SPATA17: variants seen among roughly 807,000 people sequenced by gnomAD.
SPATA17 encodes the protein spermatogenesis associated 17.
SPATA17 carries 53 observed loss-of-function variants against 62.2 expected under a neutral mutation model. The ratio of observed to expected loss-of-function variants is 0.85; its 90% confidence interval spans 0.68 to 1.07. SPATA17 has a LOEUF of 1.07. Among genes scored for constraint, SPATA17 ranks in the 50% least tolerant of loss-of-function variants. The pLI is 0.00. For missense variants in SPATA17, 466 were observed against 425.5 expected, an observed-to-expected ratio of 1.10 and a Z score of -0.84; for synonymous variants, 146 against 146.8, an observed-to-expected ratio of 0.99 and a Z score of 0.04.
intron 5 of SPATA17, among the ~76,000 whole-genome samples, chr1:217,740,276 C>T (rs774680125): frequency 6.6e-6 from 1 of 151,636 alleles, no homozygotes; most frequent in Non-Finnish European, 1.5e-5. Context: ...TTATATTTAG[C>T]ATAATATGAA....
chr1:217,807,106 C>A (rs1372905536), intron 9 of SPATA17, among the ~76,000 whole-genome samples: 1 of 152,082 alleles, frequency 6.6e-6, no homozygotes, highest in African/African-American at 2.4e-5. Flanking sequence ...TTTGCAGCAA[C>A]ATGGATGCAG....
chr1:217,672,846 T>C (rs1278499043), intron 4 of SPATA17, among the ~76,000 whole-genome samples: 1 of 152,132 alleles, frequency 6.6e-6, no homozygotes, highest in African/African-American at 2.4e-5. Flanking sequence ...TCCTTACTAA[T>C]TTACATGCCT....
chr1:217,786,749 CTTTCTTCTT>C (rs1322345427), intron 8 of SPATA17, among the ~76,000 whole-genome samples: 1 of 77,476 alleles, frequency 1.3e-5, no homozygotes, highest in Non-Finnish European at 3.1e-5. Flanking sequence ...TTGATATTCT[CTTTCTTCTT>C]CTTCTTCTTC....
chr1:217,676,477 A>T (rs1163463550), intron 4 of SPATA17, among the ~76,000 whole-genome samples: 1 of 152,170 alleles, frequency 6.6e-6, no homozygotes, highest in Non-Finnish European at 1.5e-5. Flanking sequence ...TTAAAACATT[A>T]GGAACAATCA....
intron 9 of SPATA17, among the ~76,000 whole-genome samples, chr1:217,843,821 T>A (rs1274534173): frequency 6.6e-6 from 1 of 152,178 alleles, no homozygotes; most frequent in Non-Finnish European, 1.5e-5. Flanking sequence ...TAATCCCTTT[T>A]CTATAGAATA....
chr1:217,811,194 C>T (rs1674577235), intron 9 of SPATA17, among the ~76,000 whole-genome samples: 2 of 152,036 alleles, frequency 1.3e-5, no homozygotes, highest in South Asian at 4.1e-4. Context: ...CCACCACACT[C>T]AGCTAATTTT....
chr1:217,657,785 T>C (rs1670475939), intron 3 of SPATA17, among the ~76,000 whole-genome samples: 1 of 152,216 alleles, frequency 6.6e-6, no homozygotes. Flanking sequence ...GTTTGAATGT[T>C]TGTCCCTGTA....
intron 9 of SPATA17, among the ~76,000 whole-genome samples, chr1:217,851,101 G>A (rs1675655383): frequency 6.6e-6 from 1 of 152,054 alleles, no homozygotes; most frequent in Admixed American, 6.6e-5. Context: ...TTGGTGGTTT[G>A]ACATTTTTCT....
At chr1:217,704,319 C>T (rs1242922484) in intron 5 of SPATA17, among the ~76,000 whole-genome samples, 2 of 133,588 alleles carry the variant, frequency 1.5e-5, no homozygotes, top group African/African-American at 5.4e-5. Context: ...GGCGCAATCT[C>T]GGCTCACTGC....
At chr1:217,660,539 C>T (rs1180021947) in intron 3 of SPATA17, among the ~76,000 whole-genome samples, 1 of 152,178 alleles carries the variant, frequency 6.6e-6, no homozygotes, top group Non-Finnish European at 1.5e-5. Context: ...CATCCCATCT[C>T]CCCTTCTTCA....
At chr1:217,665,989 T>C (rs920712754) in intron 3 of SPATA17, among the ~76,000 whole-genome samples, 1 of 152,198 alleles carries the variant, frequency 6.6e-6, no homozygotes, top group African/African-American at 2.4e-5. Flanking sequence ...ACATCAATTC[T>C]CCCTATCTTT....
In SPATA17 at chr1:217,754,760, G is replaced by A. The variant is rs564654076; in HGVS notation, c.519+12662G>A. ...CCAGATTTTAAAATTTCAGGCTCTAGTCTAATCCATCGTCTTTTTCCTTTG... is the reference window on the plus strand; with the variant it reads ...CCAGATTTTAAAATTTCAGGCTCTAATCTAATCCATCGTCTTTTTCCTTTG... On this transcript the variant is annotated intron_variant, in intron 6 of 10. Coordinates refer to ENST00000366933, the MANE Select transcript of SPATA17 (RefSeq NM_138796.4). 2.6e-5 allele frequency among the ~76,000 whole-genome samples: 4 copies of A among 152,198 alleles called. No individual in the cohort carries two copies. In the South Asian group the frequency reaches 8.3e-4, roughly 32 times the overall value.
At chr1:217,737,140 ACT>A (rs1222664204) in intron 5 of SPATA17, among the ~76,000 whole-genome samples, 1 of 152,158 alleles carries the variant, frequency 6.6e-6, no homozygotes, top group Non-Finnish European at 1.5e-5. Context: ...TCAAATTCTA[ACT>A]CTGTCACTTT....
intron 6 of SPATA17, 108 bp from the exon 7 acceptor site, chr1:217,774,226 T>C: frequency 2.3e-6 from 2 of 861,092 alleles, no homozygotes; most frequent in Non-Finnish European, 3.5e-6. Flanking sequence ...ACCACAGTTG[T>C]AGTTTAAAAT....
chr1:217,682,357 T>G lies in SPATA17; in HGVS notation c.292-901T>G, dbSNP rs572227177. 6.4e-4 allele frequency among the ~76,000 whole-genome samples: 95 copies of G among 149,466 alleles called. 1 individual carries two copies. The highest frequency in any genetic ancestry group is 1.3e-3 in the Admixed American group (19 of 15,052). On this transcript the variant is annotated intron_variant, in intron 4 of 10. Coordinates refer to ENST00000366933, the MANE Select transcript of SPATA17 (RefSeq NM_138796.4). ...TGGTCTCTCAGACCCCTAACATTCC[T>G]CTCATCCAAAAAAAAAAAAACACCC...
At chr1:217,751,293 T>C (rs937447354) in intron 6 of SPATA17, among the ~76,000 whole-genome samples, 10 of 152,248 alleles carry the variant, frequency 6.6e-5, no homozygotes, top group Non-Finnish European at 1.3e-4. Context: ...AGAAATTATC[T>C]TTCTAGTGAC....
intron 5 of SPATA17, among the ~76,000 whole-genome samples, chr1:217,725,111 T>C (rs966175421): frequency 9.9e-5 from 15 of 152,212 alleles, no homozygotes; most frequent in Non-Finnish European, 1.8e-4. Flanking sequence ...ATATTGAATC[T>C]CTCTGGAATC....
At chr1:217,824,859 CA>C (rs577209995) in intron 9 of SPATA17, among the ~76,000 whole-genome samples, 228 of 150,818 alleles carry the variant, frequency 1.5e-3, no homozygotes, top group African/African-American at 5.4e-3. Context: ...CTTTGGAAAA[CA>C]GATATGAAAC....
chr1:217,658,024 A>G (rs1171177174), intron 3 of SPATA17, among the ~76,000 whole-genome samples: 1 of 152,206 alleles, frequency 6.6e-6, no homozygotes, highest in African/African-American at 2.4e-5. Flanking sequence ...CTATGAGGAC[A>G]GTATGAGGAA....
Sources: gnomAD v4.1 joint callset for allele counts (sites outside exome capture counted in the v4.1 genomes callset) on GRCh38, gnomAD v4.1.1 for gene constraint, MANE v1.5 for transcripts, NCBI Gene and HGNC (gene_info 2026-07-23, HGNC 2026-07-21) for gene names.